ARHGEF3: variants seen among roughly 807,000 people sequenced by gnomAD.
The protein encoded by ARHGEF3 is Rho guanine nucleotide exchange factor 3.
In ARHGEF3, 28 loss-of-function variants were observed where a neutral mutation model predicts 63.2. The observed-to-expected ratio is 0.44, with a 90% confidence interval of 0.33 to 0.61. ARHGEF3 has a LOEUF of 0.61. Among genes scored for constraint, ARHGEF3 ranks in the 20% least tolerant of loss-of-function variants. ARHGEF3 has a pLI of 0.03. For synonymous variants in ARHGEF3, 266 were observed against 254.2 expected, an observed-to-expected ratio of 1.05 and a Z score of -0.44; for missense variants, 533 against 659.3, an observed-to-expected ratio of 0.81 and a Z score of 2.10.
intron 4 of ARHGEF3, among the ~76,000 whole-genome samples, chr3:56,753,012 G>GTCC (rs1272986424): frequency 6.6e-6 from 1 of 152,104 alleles, no homozygotes; most frequent in Non-Finnish European, 1.5e-5. Context: ...AAGGTTTGTT[G>GTCC]TCCTCCTCCT....
At chr3:56,890,683 G>A (rs11916112) in intron 3 of ARHGEF3, among the ~76,000 whole-genome samples, 27,503 of 152,076 alleles carry the variant, frequency 0.18, 2,733 homozygotes, top group Non-Finnish European at 0.23. Context: ...GCACTGTGTC[G>A]TTCCCACTTC....
At chr3:57,061,605 T>C (rs1476739010) in intron 1 of ARHGEF3, among the ~76,000 whole-genome samples, 1 of 152,244 alleles carries the variant, frequency 6.6e-6, no homozygotes, top group Admixed American at 6.5e-5. Flanking sequence ...AACATGGGAA[T>C]GCAAGTATCT....
chr3:57,042,715 T>TTA (rs1704275957), intron 1 of ARHGEF3, among the ~76,000 whole-genome samples: 1 of 122,964 alleles, frequency 8.1e-6, no homozygotes, highest in Admixed American at 9.1e-5. Flanking sequence ...TTTTTTTTTT[T>TTA]AGACGGAGTC....
chr3:56,839,824 C>A (rs1451173783), intron 4 of ARHGEF3, among the ~76,000 whole-genome samples: 1 of 152,090 alleles, frequency 6.6e-6, no homozygotes, highest in Non-Finnish European at 1.5e-5. Context: ...CACAGGATCA[C>A]ATTACCACCT....
chr3:56,803,349 G>A (rs959632883), upstream of ARHGEF3, among the ~76,000 whole-genome samples: 1 of 152,058 alleles, frequency 6.6e-6, no homozygotes, highest in African/African-American at 2.4e-5. Flanking sequence ...TGAGGTGGGA[G>A]GATCACTTGA....
intron 4 of ARHGEF3, among the ~76,000 whole-genome samples, chr3:56,877,898 C>A (rs2040642606): frequency 6.6e-6 from 1 of 151,788 alleles, no homozygotes; most frequent in Non-Finnish European, 1.5e-5. Context: ...TATCTTTATA[C>A]CATTTGTATG....
chr3:56,930,980 G>C (rs2042395673), intron 3 of ARHGEF3, among the ~76,000 whole-genome samples: 1 of 152,130 alleles, frequency 6.6e-6, no homozygotes, highest in Non-Finnish European at 1.5e-5. Flanking sequence ...AATGAGATGA[G>C]TATATTTTTA....
At chr3:56,740,118 T>C (rs1559891027) in intron 7 of ARHGEF3, among the ~76,000 whole-genome samples, 2 of 152,064 alleles carry the variant, frequency 1.3e-5, no homozygotes, top group Admixed American at 6.6e-5. Flanking sequence ...CAGGCTGGTC[T>C]CAAACTCCTG....
At chr3:57,002,479 T>TTATATATATATATATATATATGTTATA (rs1159985048) in intron 2 of ARHGEF3, among the ~76,000 whole-genome samples, 1 of 39,472 alleles carries the variant, frequency 2.5e-5, no homozygotes, top group African/African-American at 1.5e-4. Context: ...TATATATATG[T>TTATATATATATATATATATATGTTATA]TATATATATA....
chr3:56,802,223 G>A (rs1017139087), upstream of ARHGEF3, among the ~76,000 whole-genome samples: 1 of 152,180 alleles, frequency 6.6e-6, no homozygotes, highest in Non-Finnish European at 1.5e-5. Context: ...GGGCTCTTTG[G>A]CACTCTCCGG....
At chr3:57,028,127 A>G (rs1333439515) in intron 2 of ARHGEF3, among the ~76,000 whole-genome samples, 47 of 151,082 alleles carry the variant, frequency 3.1e-4, no homozygotes, top group African/African-American at 1.1e-3. Flanking sequence ...TGTGGAAGTC[A>G]GTGTGGCGAT....
At chr3:57,045,831 T>C (rs1704429416) in intron 1 of ARHGEF3, among the ~76,000 whole-genome samples, 1 of 152,162 alleles carries the variant, frequency 6.6e-6, no homozygotes, top group African/African-American at 2.4e-5. Flanking sequence ...TAAAACTGGA[T>C]CCCTTGGGCA....
intron 3 of ARHGEF3, among the ~76,000 whole-genome samples, chr3:56,953,509 T>C (rs375661067): frequency 2.6e-5 from 4 of 152,334 alleles, no homozygotes; most frequent in African/African-American, 7.2e-5. Flanking sequence ...CCAAACTCTT[T>C]CTTTGAGCAG....
intron 2 of ARHGEF3, among the ~76,000 whole-genome samples, chr3:56,974,796 G>A (rs1267578509): frequency 6.6e-6 from 1 of 152,010 alleles, no homozygotes. Flanking sequence ...ACGTCCCTCC[G>A]GAAAGGATAA....
At chr3:56,926,206 G>A (rs909645246) in intron 3 of ARHGEF3, among the ~76,000 whole-genome samples, 2 of 152,140 alleles carry the variant, frequency 1.3e-5, no homozygotes, top group African/African-American at 2.4e-5. Context: ...GCTGAGGAGA[G>A]GGGGGTCAGC....
chr3:56,779,945 C>T (rs2036487960), intron 1 of ARHGEF3, among the ~76,000 whole-genome samples: 1 of 152,242 alleles, frequency 6.6e-6, no homozygotes, highest in Non-Finnish European at 1.5e-5. Flanking sequence ...AACTTACAAT[C>T]TGTGCAGGTG....
chr3:56,841,944 G>C (rs1013760456), intron 4 of ARHGEF3, among the ~76,000 whole-genome samples: 6 of 152,096 alleles, frequency 3.9e-5, no homozygotes, highest in Non-Finnish European at 7.4e-5. Flanking sequence ...TTTATTATTT[G>C]CAAAAGATCT....
chr3:57,047,208 C>T (rs1207540023), intron 1 of ARHGEF3, among the ~76,000 whole-genome samples: 1 of 152,084 alleles, frequency 6.6e-6, no homozygotes, highest in African/African-American at 2.4e-5. Flanking sequence ...ATTAGCTGGG[C>T]GTGGTAGCAT....
intron 1 of ARHGEF3, among the ~76,000 whole-genome samples, chr3:56,798,636 G>A (rs573469674): frequency 2.7e-4 from 41 of 151,308 alleles, no homozygotes; most frequent in African/African-American, 8.7e-4. Context: ...ATTCATTAGA[G>A]GTAACACATT....
Sources: allele counts gnomAD v4.1 joint callset (sites outside exome capture counted in the v4.1 genomes callset), GRCh38; gene constraint gnomAD v4.1.1; transcripts MANE v1.5; gene names NCBI Gene and HGNC (gene_info 2026-07-23, HGNC 2026-07-21).